The following KLHL11 variants were observed in gnomAD, a reference collection of about 807,000 sequenced individuals.
KLHL11 encodes kelch-like protein 11.
KLHL11 carries 26 observed loss-of-function variants against 56.1 expected under a neutral mutation model. The observed-to-expected ratio is 0.46, with a 90% CI of 0.34 to 0.64. The LOEUF is 0.64. Ranked by LOEUF, KLHL11 falls within the 30% of genes least tolerant of loss-of-function variation. The pLI, the probability that KLHL11 is intolerant of heterozygous loss-of-function variation, is 0.01. For synonymous variants in KLHL11, 338 were observed against 345.8 expected, an observed-to-expected ratio of 0.98 and a Z score of 0.25; for missense variants, 627 against 919.4, an observed-to-expected ratio of 0.68 and a Z score of 4.11.
At position 41,849,891 on chromosome 17, in the gene KLHL11, CTAT is replaced by C; in HGVS notation, c.*3846_*3848del. 1 of 152,164 alleles carries C rather than the reference CTAT, an allele frequency of 6.6e-6. No homozygotes were observed. The highest frequency in any genetic ancestry group is 1.5e-5 in the Non-Finnish European group (1 of 68,018). The allele number at this position is 152,164 out of a possible 1,614,324, so 9.4% of individuals were successfully genotyped here. ...GTAGCCTCACTCAAAGTTACATATA[CTAT>C]TACTTTTTGGTATAATAACTTCCTC... On this transcript the variant is annotated 3_prime_UTR_variant, in exon 2 of 2. Coordinates refer to ENST00000319121, the MANE Select transcript of KLHL11 (RefSeq NM_018143.3).
Position 41,854,748 on chromosome 17 carries a change from A to G in KLHL11, c.1119T>C (p.Tyr373=), listed in dbSNP as rs1555622348. 6.2e-7 allele frequency: 1 copy of G among 1,614,064 alleles called. No homozygotes were observed. Among genetic ancestry groups the G allele is most frequent in the African/African-American group, 1.3e-5 (1 of 74,932 alleles). The change falls in exon 2 of 2, where the codon TAT becomes TAC. Residue 373 remains tyrosine (Y), a synonymous_variant. Transcript: ENST00000319121. This position sits in a 1 kb window ranked among gnomAD's most constrained non-coding sequence, Gnocchi z 4.9. ...CAAAGTATCCCACACATTCACTTAA[A>G]TAGTCCCCTCCTTCTGACACACCTC... The part of the protein sequence containing the change: ...VIGGVSEGGD[Y]LSECVGYFVD...
Position 41,855,157 on chromosome 17 carries a change from T to C in KLHL11, c.710A>G (p.Gln237Arg), listed in dbSNP as rs201706392. ...MIRRNFHKVI[Q>R]DEEFYTLPFH... ...AGGTAACGTATAAAATTCTTCATCCTGAATCACTTTGTGGAAATTTCTCCG... is the reference window on the plus strand; with the variant it reads ...AGGTAACGTATAAAATTCTTCATCCCGAATCACTTTGTGGAAATTTCTCCG... The change falls in exon 2 of 2, where the codon CAG (glutamine) becomes CGG (arginine). Residue 237 changes from glutamine (Q) to arginine (R), a missense_variant. Coordinates refer to ENST00000319121, the MANE Select transcript of KLHL11 (RefSeq NM_018143.3). 374 of 1,614,160 alleles carry C rather than the reference T, an allele frequency of 2.3e-4. 1 individual carries two copies. Among genetic ancestry groups the C allele is most frequent in the Non-Finnish European group, 3.8e-5 (45 of 1,179,986 alleles).
At position 41,865,350 on chromosome 17, in the gene KLHL11, C is replaced by CGCT. The variant is rs1890235395; in HGVS notation, c.20_21insAGC (p.Ala16dup). ...CAGCCGCGGCCGCCGCCGCCGCCGCCGCCACTGCCGCAGCCGCCATCTTGA... is the reference window on the plus strand; with the variant it reads ...CAGCCGCGGCCGCCGCCGCCGCCGCCGCTGCCACTGCCGCAGCCGCCATCTTGA... On this transcript the variant is annotated inframe_insertion, in exon 1 of 2. Transcript: ENST00000319121. 1 of 1,446,536 alleles carries CGCT rather than the reference C, an allele frequency of 6.9e-7. No individual in the cohort carries two copies. Among genetic ancestry groups the CGCT allele is most frequent in the African/African-American group, 1.5e-5 (1 of 66,324 alleles). 89.6% of individuals were successfully genotyped at this position (1,446,536 alleles called of 1,614,324 possible).
Position 41,854,074 on chromosome 17 carries a change from C to A in KLHL11, c.1793G>T (p.Ser598Ile). ...ILESLPPEVLSIEGAAICYYK... is the reference protein window; with the variant it reads ...ILESLPPEVLIIEGAAICYYK... ...ATAGCAAATGGCTGCTCCTTCGATG[C>A]TTAGGACTTCTGGAGGCAAGCTTTC... is the stretch of plus-strand genomic sequence containing the variant. Residue 598 changes from serine (S) to isoleucine (I), a missense_variant, in exon 2 of 2, where the codon AGC becomes ATC. By Grantham distance (142) the Ser-to-Ile change is moderately radical (BLOSUM62 -2). Transcript: ENST00000319121. The surrounding 1 kb of genome is among the most constrained non-coding windows in gnomAD (Gnocchi z 4.9). The A allele has an allele frequency of 1.2e-6, 2 of 1,614,182 alleles. No individual in the cohort carries two copies. The highest frequency in any genetic ancestry group is 2.7e-5 in the African/African-American group (2 of 75,044).
Position 41,848,995 on chromosome 17 carries a change from C to G in KLHL11, c.*4745G>C, listed in dbSNP as rs1360133890. 6.6e-6 allele frequency: 1 copy of G among 152,204 alleles called. No homozygotes were observed. The highest frequency in any genetic ancestry group is 1.5e-5 in the Non-Finnish European group (1 of 68,106). The allele number at this position is 152,204 out of a possible 1,614,324, so 9.4% of individuals were successfully genotyped here. A position where few individuals can be genotyped will look rare whatever the true frequency, so the allele number is the denominator to read the frequency against. ...AATTAAATTACTTGAAGCAAAATGA[C>G]TACTAGGTTATATTACTGTTATTAT... is the stretch of plus-strand genomic sequence containing the variant. On this transcript the variant is annotated 3_prime_UTR_variant, in exon 2 of 2. Transcript: ENST00000319121.
At chr17:41,862,909 C>A (rs868921641) in intron 1 of KLHL11, among the ~76,000 whole-genome samples, 1 of 152,210 alleles carries the variant, frequency 6.6e-6, no homozygotes, top group Non-Finnish European at 1.5e-5. Context: ...TGATCTTACT[C>A]CCAAACAGGC....
rs2048346892 is a variant in KLHL11, at chr17:41,853,872, G to A, written c.1995C>T (p.Tyr665=). 2 of 1,614,176 alleles carry A rather than the reference G, an allele frequency of 1.2e-6. No individual in the cohort carries two copies. Among genetic ancestry groups the A allele is most frequent in the Non-Finnish European group, 1.7e-6 (2 of 1,180,038 alleles). Residue 665 remains tyrosine (Y), a synonymous_variant, in exon 2 of 2, where the codon TAC becomes TAT. Coordinates refer to ENST00000319121, the MANE Select transcript of KLHL11 (RefSeq NM_018143.3). ...TAGGGTATCTCTGTGTGCCATGCAAGTACCGGTATGGGATCCTCACGTGAC... is the reference window on the plus strand; with the variant it reads ...TAGGGTATCTCTGTGTGCCATGCAAATACCGGTATGGGATCCTCACGTGAC... ...TACHVRIPYR[Y]LHGTQRYPMP...
rs1391631134 is a variant in KLHL11 at position 41,852,050 on chromosome 17, T to C, written c.*1690A>G. Among the ~76,000 whole-genome samples, 1 of 152,198 alleles carries C rather than the reference T, an allele frequency of 6.6e-6. No individual in the cohort carries two copies. The highest frequency in any genetic ancestry group is 1.5e-5 in the Non-Finnish European group (1 of 68,028). ...TTTAATTTTTATTTGAGACACCGTCTCTCTGTCACCCAAGGTAGAGTGGCA... is the reference window on the plus strand; with the variant it reads ...TTTAATTTTTATTTGAGACACCGTCCCTCTGTCACCCAAGGTAGAGTGGCA... On this transcript the variant is annotated 3_prime_UTR_variant, in exon 2 of 2. Coordinates refer to ENST00000319121, the MANE Select transcript of KLHL11 (RefSeq NM_018143.3).
chr17:41,863,352 C>A (rs1303730698), intron 1 of KLHL11, among the ~76,000 whole-genome samples: 8 of 152,004 alleles, frequency 5.3e-5, no homozygotes, highest in Non-Finnish European at 1.2e-4. Flanking sequence ...CACACCACCA[C>A]GCCCGGCTAA....
In KLHL11 at chr17:41,864,835, A is replaced by C; in HGVS notation, c.536T>G (p.Leu179Trp). 6.7e-7 allele frequency: 1 copy of C among 1,503,012 alleles called. No individual in the cohort carries two copies. The highest frequency in any genetic ancestry group is 8.9e-7 in the Non-Finnish European group (1 of 1,121,698). The allele number at this position is 1,503,012 out of a possible 1,614,324, so 93.1% of individuals were successfully genotyped here. ...CGCCTCCCTCGCCTACCTGTCGGCC[A>C]ACTCCAGCACCTCGTGCACGCTGCC... The part of the protein sequence containing the change: ...STGSVHEVLE[L>W]ADRFLLIRLK... The change falls in exon 1 of 2, where the codon TTG becomes TGG. Residue 179 changes from leucine to tryptophan, a missense_variant. This residue lies in a region of KLHL11 where 150 missense variants were observed against 215.7 expected (regional missense o/e 0.70). Coordinates refer to ENST00000319121, the MANE Select transcript of KLHL11 (RefSeq NM_018143.3).
At chr17:41,856,092 G>C (rs571999856) in intron 1 of KLHL11, among the ~76,000 whole-genome samples, 1 of 151,814 alleles carries the variant, frequency 6.6e-6, no homozygotes, top group African/African-American at 2.4e-5. Context: ...CCAGGCTCAT[G>C]CAATTCTCCT....
chr17:41,855,374 G>C, intron 1 of KLHL11, 53 bp from the exon 2 acceptor site: 1 of 1,380,380 alleles, frequency 7.2e-7, no homozygotes, highest in African/African-American at 1.4e-5. Flanking sequence ...CATATTTTAT[G>C]TGGTTACTTT....
At chr17:41,861,705 A>G (rs1193753834) in intron 1 of KLHL11, among the ~76,000 whole-genome samples, 2 of 151,420 alleles carry the variant, frequency 1.3e-5, no homozygotes, top group African/African-American at 4.8e-5. Flanking sequence ...AAAAAAAAAA[A>G]AAAAAAGAAT....
intron 1 of KLHL11, among the ~76,000 whole-genome samples, chr17:41,857,653 TTTTTA>T (rs1367656902): frequency 1.3e-5 from 2 of 150,442 alleles, no homozygotes; most frequent in Middle Eastern, 6.8e-3. Context: ...CAAAATAGAG[TTTTTA>T]TTTTAAGAGA....
intron 1 of KLHL11, among the ~76,000 whole-genome samples, chr17:41,858,959 A>T (rs9905601): frequency 1.3e-5 from 2 of 151,984 alleles, no homozygotes; most frequent in African/African-American, 4.8e-5. Flanking sequence ...TTCTTTGGGG[A>T]TCTGCTCAGT....
In KLHL11 at chr17:41,853,691, A is replaced by C; in HGVS notation, c.*49T>G. 6.5e-7 allele frequency: 1 copy of C among 1,544,834 alleles called. No individual in the cohort carries two copies. The highest frequency in any genetic ancestry group is 8.7e-7 in the Non-Finnish European group (1 of 1,145,580). On this transcript the variant is annotated 3_prime_UTR_variant, in exon 2 of 2. Transcript: ENST00000319121. ...TTTAAATAACAGCCTGGGTATCTTCAGCTTCACGAAACGGGTGTAACAGTT... is the reference window on the plus strand; with the variant it reads ...TTTAAATAACAGCCTGGGTATCTTCCGCTTCACGAAACGGGTGTAACAGTT...
chr17:41,865,080 G>A lies in KLHL11; in HGVS notation c.291C>T (p.Thr97=), dbSNP rs902397796. 4 of 1,602,620 alleles carry A rather than the reference G, an allele frequency of 2.5e-6. No homozygotes were observed. The highest frequency in any genetic ancestry group is 1.7e-5 in the Admixed American group (1 of 59,282). ...QRRQGLFCDI[T]LCFGGAGGRE... ...GGCCTCCAGCCCCGCCGAAGCACAG[G>A]GTAATGTCGCAGAAGAGGCCCTGGC... Residue 97 remains threonine (T), a synonymous_variant, in exon 1 of 2, where the codon ACC becomes ACT. Transcript: ENST00000319121.
chr17:41,862,223 G>C (rs578193250), intron 1 of KLHL11, among the ~76,000 whole-genome samples: 1 of 151,468 alleles, frequency 6.6e-6, no homozygotes. Context: ...TGAGTAGTTG[G>C]GATTACAGGC....
chr17:41,851,891 A>C lies in KLHL11; in HGVS notation c.*1849T>G, dbSNP rs1014865626. 6.6e-6 allele frequency among the ~76,000 whole-genome samples: 1 copy of C among 151,996 alleles called. No homozygotes were observed. The highest frequency in any genetic ancestry group is 2.4e-5 in the African/African-American group (1 of 41,358). ...ATACCACTGTACTCCAACCTGGGTG[A>C]CAAAGTGGGACCCCATCCCCTGGCC... is the stretch of plus-strand genomic sequence containing the variant. On this transcript the variant is annotated 3_prime_UTR_variant, in exon 2 of 2. Transcript: ENST00000319121.
Sources: gnomAD v4.1 joint callset for allele counts (sites outside exome capture counted in the v4.1 genomes callset) on GRCh38, gnomAD v4.1.1 for gene constraint, gnomAD v4.1.1 regional missense constraint, Gnocchi (gnomAD v3.1) non-coding constraint, MANE v1.5 for transcripts, NCBI Gene and HGNC (gene_info 2026-07-23, HGNC 2026-07-21) for gene names.